The following TIAM1 variants were observed in gnomAD, a reference collection of about 807,000 sequenced individuals.
The protein encoded by TIAM1 is TIAM Rac1 associated GEF 1, also known as rho guanine nucleotide exchange factor TIAM1.
Under a neutral mutation model 163.5 loss-of-function variants are expected in TIAM1, and 65 were observed. The observed-to-expected ratio is 0.40, with a 90% CI of 0.33 to 0.49. The LOEUF (loss-of-function observed/expected upper bound fraction) is 0.49. TIAM1 is among the 20% of genes least tolerant of loss of function. TIAM1 has a pLI of 0.77. For missense variants in TIAM1, 1,789 were observed against 2,044.7 expected (o/e 0.87, Z 2.41); for synonymous variants, 833 against 810.1 (o/e 1.03, Z -0.48).
intron 16 of TIAM1, among the ~76,000 whole-genome samples, chr21:31,162,644 T>TC (rs1371123714): frequency 9.1e-6 from 1 of 110,374 alleles, no homozygotes; most frequent in Admixed American, 1.2e-4. Context: ...TTCTTAATCT[T>TC]TTTTTTTTTT....
chr21:31,193,505 T>A (rs1170617239), intron 13 of TIAM1, among the ~76,000 whole-genome samples: 1 of 152,170 alleles, frequency 6.6e-6, no homozygotes, highest in African/African-American at 2.4e-5. Flanking sequence ...GCAGGAGTTA[T>A]CCTCATTCTA....
intron 2 of TIAM1, among the ~76,000 whole-genome samples, chr21:31,435,364 A>C (rs983223993): frequency 2.2e-4 from 33 of 152,250 alleles, no homozygotes; most frequent in Non-Finnish European, 2.8e-4. Context: ...CTCTAAAGAT[A>C]CATGCTTATA....
At position 31,210,758 on chromosome 21, in the gene TIAM1, G is replaced by GAA. The variant is rs747946932; in HGVS notation, c.2218-545_2218-544dup. On this transcript the variant is annotated intron_variant, in intron 10 of 27. Transcript: ENST00000541036. ...AAGAAGGAAGGAAGGGAGAAAGAAA[G>GAA]AAAGAAAGAAAGAAAGAAAGAAAGA... is the stretch of plus-strand genomic sequence containing the variant. 7.4e-3 allele frequency among the ~76,000 whole-genome samples: 813 copies of GAA among 110,314 alleles called. 8 individuals are homozygous for GAA. The highest frequency in any genetic ancestry group is 0.012 in the Non-Finnish European group (633 of 53,956). 72.4% of individuals were successfully genotyped at this position (110,314 alleles called of 152,430 possible). A position where few individuals can be genotyped will look rare whatever the true frequency, so the allele number is the denominator to read the frequency against.
chr21:31,419,976 G>C (rs1170558012), intron 2 of TIAM1, among the ~76,000 whole-genome samples: 1 of 152,214 alleles, frequency 6.6e-6, no homozygotes, highest in Non-Finnish European at 1.5e-5. Flanking sequence ...TTGAACCCGA[G>C]AGGTGGAGGC....
chr21:31,364,747 T>C (rs1602102175), intron 2 of TIAM1, among the ~76,000 whole-genome samples: 1 of 151,954 alleles, frequency 6.6e-6, no homozygotes, highest in East Asian at 1.9e-4. Flanking sequence ...ACAGACTGAG[T>C]AAAGAATGGT....
At chr21:31,167,247 A>G (rs927876234) in intron 15 of TIAM1, among the ~76,000 whole-genome samples, 1 of 151,926 alleles carries the variant, frequency 6.6e-6, no homozygotes, top group African/African-American at 2.4e-5. Context: ...GTGCACCACC[A>G]TGTCCGGCTA....
At chr21:31,452,170 C>T (rs12626850) in intron 2 of TIAM1, among the ~76,000 whole-genome samples, 14,087 of 152,182 alleles carry the variant, frequency 0.093, 894 homozygotes, top group Admixed American at 0.13. Flanking sequence ...GATTATATTT[C>T]ATTATGTAAG....
chr21:31,227,654 T>C (rs1385830341), intron 6 of TIAM1, among the ~76,000 whole-genome samples: 1 of 152,180 alleles, frequency 6.6e-6, no homozygotes, highest in East Asian at 1.9e-4. Context: ...TTGAGAAACT[T>C]AGGAGGAAAA....
intron 12 of TIAM1, among the ~76,000 whole-genome samples, chr21:31,197,615 C>T (rs1029343630): frequency 4.7e-5 from 7 of 149,218 alleles, no homozygotes; most frequent in Non-Finnish European, 1.0e-4. Context: ...GTGATCCGCC[C>T]GCCTCAGCCT....
At chr21:31,350,580 C>T (rs1331959688) in intron 2 of TIAM1, among the ~76,000 whole-genome samples, 1 of 152,074 alleles carries the variant, frequency 6.6e-6, no homozygotes, top group Non-Finnish European at 1.5e-5. Flanking sequence ...CTCGCAAGAT[C>T]TGGTTGTATA....
At chr21:31,151,612 T>G (rs1385723960) in intron 19 of TIAM1, among the ~76,000 whole-genome samples, 1 of 152,110 alleles carries the variant, frequency 6.6e-6, no homozygotes, top group Non-Finnish European at 1.5e-5. Context: ...GGACAAGACT[T>G]TCAGGAGAAA....
chr21:31,292,016 C>G (rs930605756), intron 2 of TIAM1, among the ~76,000 whole-genome samples: 1 of 152,170 alleles, frequency 6.6e-6, no homozygotes, highest in African/African-American at 2.4e-5. Flanking sequence ...CTTATGAGGG[C>G]AGCGTGATTG....
chr21:31,219,786 G>T (rs1424313133), intron 8 of TIAM1, among the ~76,000 whole-genome samples: 2 of 152,074 alleles, frequency 1.3e-5, no homozygotes, highest in African/African-American at 4.8e-5. Flanking sequence ...GAAAAATGTG[G>T]TATCCAAGAC....
chr21:31,497,473 G>C (rs1423826083), intron 1 of TIAM1, among the ~76,000 whole-genome samples: 1 of 152,176 alleles, frequency 6.6e-6, no homozygotes, highest in Admixed American at 6.5e-5. Flanking sequence ...AAAAGGTACT[G>C]ATATGTATTT....
intron 2 of TIAM1, among the ~76,000 whole-genome samples, chr21:31,317,032 T>C (rs2075146763): frequency 6.6e-6 from 1 of 152,244 alleles, no homozygotes; most frequent in Admixed American, 6.5e-5. Flanking sequence ...GCTGAGCTTT[T>C]GGTCTCCACT....
At chr21:31,276,104 G>A (rs752750938) in intron 3 of TIAM1, among the ~76,000 whole-genome samples, 1 of 152,066 alleles carries the variant, frequency 6.6e-6, no homozygotes, top group Non-Finnish European at 1.5e-5. Flanking sequence ...TTGGTTTCAA[G>A]CCTGTTTTTT....
chr21:31,204,134 A>G (rs7278673), intron 11 of TIAM1, among the ~76,000 whole-genome samples: 18,534 of 152,250 alleles, frequency 0.12, 3,576 homozygotes, highest in African/African-American at 0.41. Flanking sequence ...AATGCTCTCC[A>G]AAAGTTACAC....
intron 1 of TIAM1, among the ~76,000 whole-genome samples, chr21:31,475,028 A>ATTT (rs2045888569): frequency 1.7e-5 from 1 of 59,482 alleles, no homozygotes; most frequent in South Asian, 4.7e-4. Flanking sequence ...CTAGTTTTTT[A>ATTT]TTATTATTAT....
chr21:31,483,329 T>C (rs1049039913), intron 1 of TIAM1, among the ~76,000 whole-genome samples: 5 of 152,142 alleles, frequency 3.3e-5, no homozygotes, highest in African/African-American at 1.2e-4. Flanking sequence ...CGAGATTCAG[T>C]GTGTAAAAGA....
Sources: gnomAD v4.1 joint callset for allele counts (sites outside exome capture counted in the v4.1 genomes callset) on GRCh38, gnomAD v4.1.1 for gene constraint, MANE v1.5 for transcripts, NCBI Gene and HGNC (gene_info 2026-07-23, HGNC 2026-07-21) for gene names.